The following ADGRL3 variants were observed in gnomAD, a reference collection of about 807,000 sequenced individuals.
ADGRL3 encodes adhesion G protein-coupled receptor L3, also known as calcium-independent alpha-latrotoxin receptor 3.
In ADGRL3, 62 loss-of-function variants were observed where a neutral mutation model predicts 153.5. The observed-to-expected ratio is 0.40, with a 90% CI of 0.33 to 0.50. The LOEUF is 0.50. Among genes scored for constraint, ADGRL3 ranks in the 20% least tolerant of loss-of-function variants. The pLI is 0.47. For synonymous variants in ADGRL3, 710 were observed against 672.5 expected, an observed-to-expected ratio of 1.06 and a Z score of -0.86; for missense variants, 1,641 against 1,859.4, an observed-to-expected ratio of 0.88 and a Z score of 2.16.
At chr4:61,901,264 T>C (rs2098662846) in intron 11 of ADGRL3, among the ~76,000 whole-genome samples, 1 of 152,214 alleles carries the variant, frequency 6.6e-6, no homozygotes, top group Admixed American at 6.5e-5. Context: ...ACTGATAGAT[T>C]TCCAGATACC....
chr4:61,414,778 C>T (rs1427641530), intron 2 of ADGRL3, among the ~76,000 whole-genome samples: 1 of 151,724 alleles, frequency 6.6e-6, no homozygotes, highest in African/African-American at 2.4e-5. Context: ...ATTACCAAAG[C>T]TTATTCATCT....
At chr4:61,907,484 C>G (rs2098701498) in intron 11 of ADGRL3, among the ~76,000 whole-genome samples, 1 of 151,920 alleles carries the variant, frequency 6.6e-6, no homozygotes, top group Non-Finnish European at 1.5e-5. Context: ...GCCTCGAACT[C>G]CTGACCTCGT....
intron 8 of ADGRL3, among the ~76,000 whole-genome samples, chr4:61,766,874 A>G (rs530993566): frequency 1.3e-5 from 2 of 152,188 alleles, no homozygotes; most frequent in African/African-American, 4.8e-5. Context: ...AGGCAAAACA[A>G]TTTGGTTGAT....
intron 8 of ADGRL3, among the ~76,000 whole-genome samples, chr4:61,780,619 GTCTATAACACATGATGGATACCTTCT>G (rs1284550505): frequency 6.6e-6 from 1 of 152,154 alleles, no homozygotes; most frequent in Admixed American, 6.5e-5. Context: ...CTAACTCATA[GTCTATAACACATGATGGATACCTTCT>G]TCCATCCATT....
At chr4:61,916,728 A>G (rs1462850244) in intron 13 of ADGRL3, among the ~76,000 whole-genome samples, 2 of 152,136 alleles carry the variant, frequency 1.3e-5, no homozygotes, top group Non-Finnish European at 2.9e-5. Flanking sequence ...CAAGGTGGGC[A>G]GATCACTTGA....
chr4:61,418,586 T>C (rs2097169918), intron 2 of ADGRL3, among the ~76,000 whole-genome samples: 1 of 150,806 alleles, frequency 6.6e-6, no homozygotes, highest in Non-Finnish European at 1.5e-5. Context: ...TGTTCTTTGA[T>C]AAAATAATAC....
At chr4:61,231,595 C>G (rs1750674515) in intron 1 of ADGRL3, among the ~76,000 whole-genome samples, 1 of 152,060 alleles carries the variant, frequency 6.6e-6, no homozygotes, top group South Asian at 2.1e-4. Context: ...TCATTGCCTC[C>G]CCCGGATCTA....
intron 25 of ADGRL3, among the ~76,000 whole-genome samples, chr4:62,050,891 T>A (rs28703800): frequency 0.028 from 4,211 of 151,874 alleles, 210 homozygotes; most frequent in African/African-American, 0.098. Flanking sequence ...AACAAATCAG[T>A]GTAACCAAAT....
At chr4:61,695,678 A>AAGG (rs2095629171) in intron 6 of ADGRL3, among the ~76,000 whole-genome samples, 3 of 152,122 alleles carry the variant, frequency 2.0e-5, no homozygotes, top group Admixed American at 1.3e-4. Context: ...GCCAGACCTG[A>AAGG]TCATCTCCTC....
At chr4:61,493,085 A>C (rs2152791099) in intron 2 of ADGRL3, among the ~76,000 whole-genome samples, 1 of 152,278 alleles carries the variant, frequency 6.6e-6, no homozygotes, top group African/African-American at 2.4e-5. Context: ...CTTTTAAAAA[A>C]CTGTTATAAT....
intron 6 of ADGRL3, among the ~76,000 whole-genome samples, chr4:61,705,157 C>T (rs2095835490): frequency 6.6e-6 from 1 of 152,048 alleles, no homozygotes; most frequent in African/African-American, 2.4e-5. Flanking sequence ...TGCCCAGATC[C>T]ATCAAAGATA....
At chr4:61,703,630 A>C (rs2095805820) in intron 6 of ADGRL3, among the ~76,000 whole-genome samples, 1 of 152,132 alleles carries the variant, frequency 6.6e-6, no homozygotes, top group African/African-American at 2.4e-5. Context: ...AGATTCATTT[A>C]TAAGAGATAG....
At chr4:61,392,684 CAAAAAA>C (rs397993633) in intron 2 of ADGRL3, among the ~76,000 whole-genome samples, 12 of 13,380 alleles carry the variant, frequency 9.0e-4, no homozygotes, top group Admixed American at 3.4e-3. Flanking sequence ...GACTCCATCT[CAAAAAA>C]AAAAAAAAAA....
At chr4:61,654,988 G>A (rs1321159578) in intron 5 of ADGRL3, among the ~76,000 whole-genome samples, 2 of 152,160 alleles carry the variant, frequency 1.3e-5, no homozygotes, top group South Asian at 2.1e-4. Context: ...ACAGTGTTTT[G>A]AGGAAATAAT....
chr4:61,913,753 C>G (rs919343823), intron 13 of ADGRL3, among the ~76,000 whole-genome samples: 2 of 152,028 alleles, frequency 1.3e-5, no homozygotes, highest in Non-Finnish European at 2.9e-5. Flanking sequence ...GAATTGAGAA[C>G]TGGATTTATA....
intron 5 of ADGRL3, among the ~76,000 whole-genome samples, chr4:61,661,828 T>G (rs2094603396): frequency 6.6e-6 from 1 of 152,200 alleles, no homozygotes; most frequent in Non-Finnish European, 1.5e-5. Flanking sequence ...GGGATCAATA[T>G]TAAAAAAGTT....
intron 1 of ADGRL3, among the ~76,000 whole-genome samples, chr4:61,322,977 A>G (rs1474199798): frequency 6.6e-6 from 1 of 152,218 alleles, no homozygotes; most frequent in African/African-American, 2.4e-5. Flanking sequence ...CTGCCCCTAC[A>G]GCAAACTTCT....
At chr4:61,558,514 C>T (rs1483935074) in intron 4 of ADGRL3, among the ~76,000 whole-genome samples, 2 of 151,802 alleles carry the variant, frequency 1.3e-5, no homozygotes, top group African/African-American at 2.4e-5. Context: ...TTTTAGAGAT[C>T]GCTCTCTCTC....
intron 9 of ADGRL3, among the ~76,000 whole-genome samples, chr4:61,857,551 A>C (rs2098289011): frequency 6.6e-6 from 1 of 152,090 alleles, no homozygotes; most frequent in African/African-American, 2.4e-5. Context: ...CGGAAAATTG[A>C]GAAGAACTTT....
Sources: allele counts gnomAD v4.1 joint callset (sites outside exome capture counted in the v4.1 genomes callset), GRCh38; gene constraint gnomAD v4.1.1; transcripts MANE v1.5; gene names NCBI Gene and HGNC (gene_info 2026-07-23, HGNC 2026-07-21).